Variants in NCS1 observed in about 807,000 individuals in gnomAD.
NCS1 encodes the protein frequenin homolog.
Under a neutral mutation model 28.4 loss-of-function variants are expected in NCS1, and 6 were observed. The observed-to-expected ratio is 0.21, with a 90% CI of 0.12 to 0.42. The LOEUF is 0.42. Among genes scored for constraint, NCS1 ranks in the 10% least tolerant of loss-of-function variants. NCS1 has a pLI of 1.00. For synonymous variants in NCS1, 86 were observed against 99.3 expected (o/e 0.87, Z 0.79); for missense variants, 131 against 241.4 (o/e 0.54, Z 3.03).
chr9:130,206,135 C>G (rs1833021536), intron 2 of NCS1, among the ~76,000 whole-genome samples: 1 of 152,192 alleles, frequency 6.6e-6, no homozygotes, highest in Non-Finnish European at 1.5e-5. Context: ...GTATGTTGCT[C>G]TGTGCTCTGG....
chr9:130,229,579 C>T (rs1462267936), intron 7 of NCS1, among the ~76,000 whole-genome samples: 1 of 152,154 alleles, frequency 6.6e-6, no homozygotes, highest in African/African-American at 2.4e-5. Context: ...AAATGTTTGA[C>T]GTGTACCTTG....
rs115783305 is a variant in NCS1, at chr9:130,194,876, C to T, written c.65-6082C>T. 3.7e-3 allele frequency among the ~76,000 whole-genome samples: 570 copies of T among 152,314 alleles called. 3 individuals are homozygous for T. Among genetic ancestry groups the T allele is most frequent in the African/African-American group, 0.011 (470 of 41,566 alleles). ...TGTGAAGGTCAATGCATGAGAAACA[C>T]GTTTGAGGATGTGTTCTAAACCCAG... On this transcript the variant is annotated intron_variant, in intron 1 of 7. Transcript: ENST00000372398.
rs1453860855 is a variant in NCS1, at chr9:130,209,630, G to A, written c.90-8202G>A. ...CATTCACCCAGCCTGGCGCCGTGTT[G>A]GGGAAGAGAAGGTGGGAGGTGTGGG... On this transcript the variant is annotated intron_variant, in intron 2 of 7. Coordinates refer to ENST00000372398, the MANE Select transcript of NCS1 (RefSeq NM_014286.4). This position sits in a 1 kb window ranked among gnomAD's most constrained non-coding sequence, Gnocchi z 4.4. 2.0e-5 allele frequency among the ~76,000 whole-genome samples: 3 copies of A among 152,172 alleles called. No individual in the cohort carries two copies. The highest frequency in any genetic ancestry group is 7.2e-5 in the African/African-American group (3 of 41,432).
At position 130,181,264 on chromosome 9, in the gene NCS1, G is replaced by T. The variant is rs1832649803; in HGVS notation, c.64+8537G>T. On this transcript the variant is annotated intron_variant, in intron 1 of 7. Coordinates refer to ENST00000372398, the MANE Select transcript of NCS1 (RefSeq NM_014286.4). This position sits in a 1 kb window ranked among gnomAD's most constrained non-coding sequence, Gnocchi z 5.0. Reference sequence around the variant, plus strand: ...CCTTAGTTTTCTTATCTGGGGGTTGGGGATAAGGGACTTCTACTACACAGA... The same window carrying T: ...CCTTAGTTTTCTTATCTGGGGGTTGTGGATAAGGGACTTCTACTACACAGA... 6.6e-6 allele frequency among the ~76,000 whole-genome samples: 1 copy of T among 152,094 alleles called. No individual in the cohort carries two copies. Among genetic ancestry groups the T allele is most frequent in the Non-Finnish European group, 1.5e-5 (1 of 68,024 alleles).
At position 130,195,178 on chromosome 9, in the gene NCS1, C is replaced by T. The variant is rs114512305; in HGVS notation, c.65-5780C>T. On this transcript the variant is annotated intron_variant, in intron 1 of 7. Coordinates refer to ENST00000372398, the MANE Select transcript of NCS1 (RefSeq NM_014286.4). ...ATGAGCAAACCAAGGCTCAGAGATG[C>T]GGGGTCACTCATCCAAGACCACAGA... Among the ~76,000 whole-genome samples the T allele has an allele frequency of 2.9e-3, 445 of 152,314 alleles. 6 individuals are homozygous for T. The highest frequency in any genetic ancestry group is 0.017 in the Middle Eastern group (5 of 294).
rs1832640372 is a variant in NCS1 at position 130,180,547 on chromosome 9, CTT to C, written c.64+7821_64+7822del. Among the ~76,000 whole-genome samples the C allele has an allele frequency of 6.6e-6, 1 of 152,076 alleles. No homozygotes were observed. The highest frequency in any genetic ancestry group is 2.1e-4 in the South Asian group (1 of 4,818). The stretch of plus-strand genomic sequence containing the variant: ...ATTACGTTGCGGCGTTTCTAGGTAA[CTT>C]GAGATTGGGGTCATATTCTGACCAA... On this transcript the variant is annotated intron_variant, in intron 1 of 7. Transcript: ENST00000372398. The surrounding 1 kb of genome is among the most constrained non-coding windows in gnomAD (Gnocchi z 4.5).
intron 3 of NCS1, among the ~76,000 whole-genome samples, chr9:130,218,436 A>G (rs1554909702): frequency 6.6e-6 from 1 of 152,252 alleles, no homozygotes; most frequent in African/African-American, 2.4e-5. Flanking sequence ...ACACATATGC[A>G]TATGTATACA....
At chr9:130,225,011 A>T (rs1486954624) in intron 6 of NCS1, among the ~76,000 whole-genome samples, 2 of 152,236 alleles carry the variant, frequency 1.3e-5, no homozygotes, top group South Asian at 4.1e-4. Flanking sequence ...GGGCAACGTG[A>T]TGAAACCCCG....
chr9:130,207,702 A>C (rs1554908275), intron 2 of NCS1, among the ~76,000 whole-genome samples: 1 of 152,230 alleles, frequency 6.6e-6, no homozygotes, highest in Non-Finnish European at 1.5e-5. Flanking sequence ...CCAGGAGAGC[A>C]CAGGCCAGGG....
rs1410439317 is a variant in NCS1 at position 130,191,990 on chromosome 9, G to T, written c.65-8968G>T. Among the ~76,000 whole-genome samples, 6 of 152,148 alleles carry T rather than the reference G, an allele frequency of 3.9e-5. No homozygotes were observed. The highest frequency in any genetic ancestry group is 1.4e-4 in the African/African-American group (6 of 41,440). On this transcript the variant is annotated intron_variant, in intron 1 of 7. Coordinates refer to ENST00000372398, the MANE Select transcript of NCS1 (RefSeq NM_014286.4). This position sits in a 1 kb window ranked among gnomAD's most constrained non-coding sequence, Gnocchi z 6.4. The stretch of plus-strand genomic sequence containing the variant: ...AGAAGGGCTGGGGAACGCGCGGCGA[G>T]TGGGTCAGGGCGAGGGGCTCCTGCA...
intron 2 of NCS1, among the ~76,000 whole-genome samples, chr9:130,202,163 C>T (rs1554907523): frequency 6.6e-6 from 1 of 152,228 alleles, no homozygotes; most frequent in Non-Finnish European, 1.5e-5. Flanking sequence ...GCTTACGAGG[C>T]CTGGTTCAGT....
chr9:130,183,635 T>G (rs1832695693), intron 1 of NCS1, among the ~76,000 whole-genome samples: 1 of 151,498 alleles, frequency 6.6e-6, no homozygotes, highest in South Asian at 2.1e-4. Flanking sequence ...AGTGGCCTCT[T>G]TATCTCTCTT....
At chr9:130,224,481 C>G (rs1833385152) in intron 6 of NCS1, among the ~76,000 whole-genome samples, 1 of 150,834 alleles carries the variant, frequency 6.6e-6, no homozygotes, top group African/African-American at 2.4e-5. Context: ...TTGCTTGAAC[C>G]TGGGAGGCAG....
rs186816145 is a variant in NCS1, at chr9:130,201,342, C to T, written c.89+360C>T. Among the ~76,000 whole-genome samples, 204 of 152,246 alleles carry T rather than the reference C, an allele frequency of 1.3e-3. 2 individuals are homozygous for T. Among genetic ancestry groups the T allele is most frequent in the Middle Eastern group, 3.4e-3 (1 of 294 alleles). The stretch of plus-strand genomic sequence containing the variant: ...AGGTCCTTTCCCCTCGCTGGGGCTC[C>T]GTCACCCCTTCTATAGAATGATCGA... On this transcript the variant is annotated intron_variant, in intron 2 of 7. Transcript: ENST00000372398.
In NCS1 at chr9:130,209,340, T is replaced by G. The variant is rs1261993292; in HGVS notation, c.89+8358T>G. 1.3e-5 allele frequency among the ~76,000 whole-genome samples: 2 copies of G among 151,980 alleles called. No individual in the cohort carries two copies. Among genetic ancestry groups the G allele is most frequent in the East Asian group, 1.9e-4 (1 of 5,178 alleles). ...GTCTGCAGGAACTGAGAGTGGCAAATTCGGGGGAAGTCCTAGAGGACCGGG... is the reference window on the plus strand; with the variant it reads ...GTCTGCAGGAACTGAGAGTGGCAAAGTCGGGGGAAGTCCTAGAGGACCGGG... On this transcript the variant is annotated intron_variant, in intron 2 of 7. Coordinates refer to ENST00000372398, the MANE Select transcript of NCS1 (RefSeq NM_014286.4). This position sits in a 1 kb window ranked among gnomAD's most constrained non-coding sequence, Gnocchi z 4.4.
Position 130,191,057 on chromosome 9 carries a change from C to T in NCS1, c.65-9901C>T, listed in dbSNP as rs1484786381. On this transcript the variant is annotated intron_variant, in intron 1 of 7. Transcript: ENST00000372398. This position sits in a 1 kb window ranked among gnomAD's most constrained non-coding sequence, Gnocchi z 6.4. The stretch of plus-strand genomic sequence containing the variant: ...TTCAGACACCACGACTCCTCATCGG[C>T]ACAGCATCTCCAGGGCGCCCACCAT... Among the ~76,000 whole-genome samples the T allele has an allele frequency of 6.6e-6, 1 of 152,230 alleles. No homozygotes were observed. The highest frequency in any genetic ancestry group is 1.5e-5 in the Non-Finnish European group (1 of 68,038).
chr9:130,177,042 T>G lies in NCS1; in HGVS notation c.64+4315T>G, dbSNP rs2050672764. Among the ~76,000 whole-genome samples, 1 of 152,176 alleles carries G rather than the reference T, an allele frequency of 6.6e-6. No individual in the cohort carries two copies. Among genetic ancestry groups the G allele is most frequent in the East Asian group, 1.9e-4 (1 of 5,190 alleles). ...GCCACCTCCTCCCTGTTGCCTTTGG[T>G]CAGCCCAGGCTCTGCCTTGACCTTG... On this transcript the variant is annotated intron_variant, in intron 1 of 7. Coordinates refer to ENST00000372398, the MANE Select transcript of NCS1 (RefSeq NM_014286.4). The surrounding 1 kb of genome is among the most constrained non-coding windows in gnomAD (Gnocchi z 4.4).
At chr9:130,203,135 TA>T (rs140197888) in intron 2 of NCS1, among the ~76,000 whole-genome samples, 27,100 of 98,384 alleles carry the variant, frequency 0.28, 3,260 homozygotes, top group East Asian at 0.62. Context: ...TATATATATA[TA>T]TTTTTTTTTT....
At chr9:130,224,182 T>C (rs1268531751) in intron 6 of NCS1, among the ~76,000 whole-genome samples, 4 of 143,820 alleles carry the variant, frequency 2.8e-5, no homozygotes, top group Non-Finnish European at 6.1e-5. Context: ...AAGCCAGGTG[T>C]GGTGGCTCAC....
Sources: allele counts gnomAD v4.1 joint callset (sites outside exome capture counted in the v4.1 genomes callset), GRCh38; gene constraint gnomAD v4.1.1; non-coding constraint Gnocchi (gnomAD v3.1); transcripts MANE v1.5; gene names NCBI Gene and HGNC (gene_info 2026-07-23, HGNC 2026-07-21).